Variants in JARID2 observed in about 807,000 individuals in gnomAD.
The protein encoded by JARID2 is jumonji and AT-rich interaction domain containing 2, also known as protein Jumonji.
JARID2 carries 21 observed loss-of-function variants against 125.6 expected under a neutral mutation model. That is an observed-to-expected ratio of 0.17 (90% confidence interval 0.12 to 0.24). The LOEUF is 0.24. JARID2 is among the 10% of genes least tolerant of loss of function. The pLI is 1.00. For missense variants in JARID2, 1,303 were observed against 1,639.6 expected, an observed-to-expected ratio of 0.79 and a Z score of 3.55; for synonymous variants, 736 against 661.6, an observed-to-expected ratio of 1.11 and a Z score of -1.73.
intron 1 of JARID2, among the ~76,000 whole-genome samples, chr6:15,327,616 T>C (rs1762576809): frequency 6.7e-6 from 1 of 149,398 alleles, no homozygotes; most frequent in Admixed American, 6.7e-5. Flanking sequence ...TGGGGAGGAG[T>C]AGAGAGGACT....
chr6:15,410,483 G>C, intron 3 of JARID2, 118 bp downstream of exon 3: 2 of 952,328 alleles, frequency 2.1e-6, no homozygotes, highest in African/African-American at 1.6e-5. Context: ...TTTCATAGAG[G>C]AGCCAGAATC....
At chr6:15,419,353 G>A (rs965515445) in intron 3 of JARID2, among the ~76,000 whole-genome samples, 2 of 152,300 alleles carry the variant, frequency 1.3e-5, no homozygotes, top group East Asian at 1.9e-4. Context: ...AGATTATGAT[G>A]TGGCAGTTTT....
intron 2 of JARID2, among the ~76,000 whole-genome samples, chr6:15,382,729 G>A (rs1375811491): frequency 1.3e-5 from 2 of 152,360 alleles, no homozygotes; most frequent in East Asian, 1.9e-4. Flanking sequence ...GAGGCGCCAC[G>A]CTTCCTAGTA....
intron 3 of JARID2, among the ~76,000 whole-genome samples, chr6:15,444,941 C>T (rs543702944): frequency 1.3e-5 from 2 of 152,148 alleles, no homozygotes; most frequent in African/African-American, 4.8e-5. Flanking sequence ...GCCGCCTGGT[C>T]CCCCTTGCTC....
intron 1 of JARID2, among the ~76,000 whole-genome samples, chr6:15,313,171 A>G (rs1344425288): frequency 6.6e-6 from 1 of 151,890 alleles, no homozygotes; most frequent in East Asian, 1.9e-4. Context: ...TCTCCTTTTG[A>G]TGGTTAGGGA....
intron 6 of JARID2, among the ~76,000 whole-genome samples, chr6:15,493,096 T>C (rs1422561789): frequency 1.3e-5 from 2 of 152,036 alleles, no homozygotes; most frequent in Admixed American, 1.3e-4. Context: ...TTGCTAGCCA[T>C]GAACTCAGGT....
chr6:15,501,968 G>T (rs547413106), intron 8 of JARID2, among the ~76,000 whole-genome samples: 2 of 152,154 alleles, frequency 1.3e-5, no homozygotes, highest in Admixed American at 1.3e-4. Flanking sequence ...GACTCTGTGC[G>T]CTTGTTTTCT....
Position 15,410,128 on chromosome 6 carries a change from GTC to G in JARID2, c.182-94_182-93del. On this transcript the variant is annotated intron_variant, in intron 2 of 17. Transcript: ENST00000341776. ...TAAATTCTCTTCTATCCACATTCTT[GTC>G]TGTCTTCATCAGCGTTGTGTAGGGT... 4.4e-6 allele frequency: 5 copies of G among 1,141,664 alleles called. No individual in the cohort carries two copies. The South Asian group carries it at 9.0e-5, about 21-fold the overall frequency. The allele number at this position is 1,141,664 out of a possible 1,614,324, so 70.7% of individuals were successfully genotyped here.
chr6:15,456,487 T>G (rs1410415347), intron 4 of JARID2, among the ~76,000 whole-genome samples: 2 of 152,328 alleles, frequency 1.3e-5, no homozygotes, highest in Non-Finnish European at 2.9e-5. Context: ...GCTTTGTTAT[T>G]TGTTTTTCTG....
intron 1 of JARID2, among the ~76,000 whole-genome samples, chr6:15,274,587 A>G (rs573443052): frequency 7.9e-5 from 12 of 152,356 alleles, no homozygotes; most frequent in African/African-American, 2.6e-4. Flanking sequence ...TGATGTTTCC[A>G]GAGTGGCTTC....
At chr6:15,414,033 T>C (rs1766019188) in intron 3 of JARID2, among the ~76,000 whole-genome samples, 1 of 152,184 alleles carries the variant, frequency 6.6e-6, no homozygotes, top group Non-Finnish European at 1.5e-5. Flanking sequence ...GCTATACTTG[T>C]AGATTTAATT....
intron 4 of JARID2, 74 bp downstream of exon 4, chr6:15,452,249 T>G: frequency 6.4e-7 from 1 of 1,552,892 alleles, no homozygotes; most frequent in Non-Finnish European, 8.7e-7. Flanking sequence ...TGGAGTAACC[T>G]TAGCTTTACT....
chr6:15,458,973 G>T (rs1334678667), intron 4 of JARID2, among the ~76,000 whole-genome samples: 1 of 152,238 alleles, frequency 6.6e-6, no homozygotes, highest in Non-Finnish European at 1.5e-5. Flanking sequence ...CACCTATGAG[G>T]TTAGGAAGAT....
intron 1 of JARID2, among the ~76,000 whole-genome samples, chr6:15,331,960 C>T (rs966375391): frequency 2.6e-5 from 4 of 152,150 alleles, no homozygotes; most frequent in African/African-American, 7.2e-5. Flanking sequence ...TCCCTCCTTC[C>T]GGACTGTATT....
intron 1 of JARID2, among the ~76,000 whole-genome samples, chr6:15,264,778 T>G (rs1220171899): frequency 6.6e-6 from 1 of 152,236 alleles, no homozygotes; most frequent in African/African-American, 2.4e-5. Context: ...CACATACTTG[T>G]GCCTTTCAAA....
chr6:15,248,577 A>AC (rs1759293057), intron 1 of JARID2: 1 of 151,094 alleles, frequency 6.6e-6, no homozygotes, highest in Non-Finnish European at 1.5e-5. Context: ...GCGGGCTCCG[A>AC]CGCAGTCTCG....
At chr6:15,405,561 A>C (rs1050723026) in intron 2 of JARID2, among the ~76,000 whole-genome samples, 1 of 152,210 alleles carries the variant, frequency 6.6e-6, no homozygotes, top group African/African-American at 2.4e-5. Flanking sequence ...CAACCTACTG[A>C]ATATTAATAG....
intron 3 of JARID2, among the ~76,000 whole-genome samples, chr6:15,419,500 ATTTC>A (rs1203968914): frequency 2.6e-5 from 4 of 152,156 alleles, no homozygotes; most frequent in African/African-American, 9.7e-5. Context: ...GGATTTTAAC[ATTTC>A]TAACATTAGG....
At chr6:15,433,288 T>C (rs1251655226) in intron 3 of JARID2, among the ~76,000 whole-genome samples, 1 of 152,174 alleles carries the variant, frequency 6.6e-6, no homozygotes, top group East Asian at 1.9e-4. Flanking sequence ...TTCCTCAGCT[T>C]GTTCATCTGC....
Sources: allele counts gnomAD v4.1 joint callset (sites outside exome capture counted in the v4.1 genomes callset), GRCh38; gene constraint gnomAD v4.1.1; transcripts MANE v1.5; gene names NCBI Gene and HGNC (gene_info 2026-07-23, HGNC 2026-07-21).